FBXO10: variants seen among roughly 807,000 people sequenced by gnomAD.
FBXO10 encodes F-box only protein 10.
In FBXO10, 39 loss-of-function variants were observed where a neutral mutation model predicts 80.7. That is an observed-to-expected ratio of 0.48 (90% CI 0.37 to 0.63). FBXO10 has a LOEUF of 0.63. FBXO10 is among the 30% of genes least tolerant of loss of function. The pLI is 0.00. For synonymous variants in FBXO10, 449 were observed against 489.6 expected (o/e 0.92, Z 1.09); for missense variants, 1,025 against 1,269.0 (o/e 0.81, Z 2.92).
intron 1 of FBXO10, among the ~76,000 whole-genome samples, chr9:37,570,777 G>A (rs757259041): frequency 2.0e-5 from 3 of 152,062 alleles, no homozygotes; most frequent in Non-Finnish European, 2.9e-5. Context: ...GGTGAATCAC[G>A]AGGTCAAGAG....
Position 37,541,495 on chromosome 9 carries a change from A to G in FBXO10, c.274T>C (p.Leu92=), listed in dbSNP as rs1038214113. 1.2e-6 allele frequency: 2 copies of G among 1,613,916 alleles called. No homozygotes were observed. The highest frequency in any genetic ancestry group is 2.7e-5 in the African/African-American group (2 of 74,948). The change falls in exon 2 of 11, where the codon TTG becomes CTG. Residue 92 remains leucine, a synonymous_variant. Transcript: ENST00000432825. ...SKTWTKNALD[L]ESSICFSLFR... ...AGAGAAAAGCAGATGGAAGACTCCAAGTCCAAGGCATTCTTGGTCCATGTC... is the reference window on the plus strand; with the variant it reads ...AGAGAAAAGCAGATGGAAGACTCCAGGTCCAAGGCATTCTTGGTCCATGTC...
chr9:37,545,810 A>G (rs1822041959), intron 1 of FBXO10, among the ~76,000 whole-genome samples: 1 of 152,226 alleles, frequency 6.6e-6, no homozygotes, highest in Middle Eastern at 3.2e-3. Context: ...ATATGAGGCA[A>G]GTGAATATGT....
In FBXO10 at chr9:37,516,096, C is replaced by A. The variant is rs2119046434; in HGVS notation, c.2515-11G>T. On this transcript the variant is annotated splice_polypyrimidine_tract_variant and intron_variant, in intron 9 of 10. Coordinates refer to ENST00000432825, the MANE Select transcript of FBXO10 (RefSeq NM_012166.3). Reference sequence around the variant, plus strand: ...CCGGTTCTTTATTACCTGGGAGAGGCAGCCAGAGATTGTCACACCTCAGGG... The same window carrying A: ...CCGGTTCTTTATTACCTGGGAGAGGAAGCCAGAGATTGTCACACCTCAGGG... 1 of 1,607,038 alleles carries A rather than the reference C, an allele frequency of 6.2e-7. No individual in the cohort carries two copies. The highest frequency in any genetic ancestry group is 2.2e-5 in the East Asian group (1 of 44,782).
chr9:37,538,431 G>T (rs1462056100), intron 2 of FBXO10, among the ~76,000 whole-genome samples: 1 of 152,224 alleles, frequency 6.6e-6, no homozygotes, highest in Non-Finnish European at 1.5e-5. Context: ...GGCTCTGCCA[G>T]GTGTGGTGGC....
Position 37,541,371 on chromosome 9 carries a change from C to T in FBXO10, c.398G>A (p.Arg133Gln), listed in dbSNP as rs752526134. The change falls in exon 2 of 11, where the codon CGA (arginine) becomes CAA (glutamine). Residue 133 changes from arginine (R) to glutamine (Q), a missense_variant. Physicochemically the swap from Arg to Gln is conservative, Grantham distance 43 (BLOSUM62 1). Coordinates refer to ENST00000432825, the MANE Select transcript of FBXO10 (RefSeq NM_012166.3). ...GTACACACCTGGGAAGAGCACAATT[C>T]GGTCATACAGGCTGGCCATGGCCAA... ...SALAMASLYD[R>Q]IVLFPGVYEE... The T allele has an allele frequency of 5.9e-5, 96 of 1,613,842 alleles. No homozygotes were observed. Among genetic ancestry groups the T allele is most frequent in the Admixed American group, 1.8e-4 (11 of 60,000 alleles).
intron 1 of FBXO10, among the ~76,000 whole-genome samples, chr9:37,543,126 C>T (rs1242362020): frequency 1.3e-5 from 2 of 152,222 alleles, no homozygotes; most frequent in East Asian, 3.8e-4. Context: ...GGTCCTGGCT[C>T]TGCCATTGGT....
At chr9:37,549,500 T>C (rs1035462841) in intron 1 of FBXO10, among the ~76,000 whole-genome samples, 1 of 152,196 alleles carries the variant, frequency 6.6e-6, no homozygotes, top group African/African-American at 2.4e-5. Flanking sequence ...TTGATTTGTG[T>C]AGAAATCACA....
rs573738932 is a variant in FBXO10 at position 37,537,899 on chromosome 9, G to A, written c.630C>T (p.Asn210=). The A allele has an allele frequency of 3.2e-5, 51 of 1,613,134 alleles. No individual in the cohort carries two copies. Among genetic ancestry groups the A allele is most frequent in the East Asian group, 2.9e-4 (13 of 44,774 alleles). Residue 210 remains asparagine (N), a synonymous_variant, in exon 3 of 11, where the codon AAC becomes AAT. Transcript: ENST00000432825. The stretch of plus-strand genomic sequence containing the variant: ...CCGGGCCATGGACCTGGATGTGCCC[G>A]TTCTCAAAGTTGCAGTTGTCAAACT... ...HVQFDNCNFE[N]GHIQVHGPGT...
At chr9:37,550,159 G>T (rs373906997) in intron 1 of FBXO10, among the ~76,000 whole-genome samples, 1 of 78,576 alleles carries the variant, frequency 1.3e-5, no homozygotes, top group Non-Finnish European at 2.8e-5. Context: ...TTCTTTTTTT[G>T]TCGTCTCAGG....
At chr9:37,522,523 G>A (rs1821369542) in intron 7 of FBXO10, 6 of 1,137,152 alleles carry the variant, frequency 5.3e-6, no homozygotes, top group Non-Finnish European at 6.5e-6. Context: ...GGAGTTAGAT[G>A]CACATGAGCC....
At chr9:37,522,528 T>G in intron 7 of FBXO10, 1 of 1,143,596 alleles carries the variant, frequency 8.7e-7, no homozygotes, top group Non-Finnish European at 1.1e-6. Context: ...TAGATGCACA[T>G]GAGCCAGGGC....
At position 37,512,609 on chromosome 9, in the gene FBXO10, T is replaced by G. The variant is rs1411868552; in HGVS notation, c.2809A>C (p.Ile937Leu). 1 of 1,614,032 alleles carries G rather than the reference T, an allele frequency of 6.2e-7. No homozygotes were observed. The highest frequency in any genetic ancestry group is 8.5e-7 in the Non-Finnish European group (1 of 1,179,898). ...TAACCACCTTCCACCCGGGCTGTGA[T>G]CCTCGTTGCCATGGCTGTCACCTTC... The part of the protein sequence containing the change: ...GQKVTAMATR[I>L]TARVEGGYHS... The change falls in exon 11 of 11, where the codon ATC becomes CTC. Residue 937 changes from isoleucine to leucine, a missense_variant. Physicochemically the swap from Ile to Leu is conservative, Grantham distance 5 (BLOSUM62 2). Coordinates refer to ENST00000432825, the MANE Select transcript of FBXO10 (RefSeq NM_012166.3).
At chr9:37,553,221 T>C (rs1349278918) in intron 1 of FBXO10, among the ~76,000 whole-genome samples, 3 of 152,058 alleles carry the variant, frequency 2.0e-5, no homozygotes, top group Non-Finnish European at 2.9e-5. Flanking sequence ...TTTGTATTTT[T>C]AGTAGAGACA....
intron 4 of FBXO10, 87 bp from the exon 5 acceptor site, chr9:37,529,347 A>G (rs28401636): frequency 0.13 from 182,547 of 1,441,872 alleles, 17,605 homozygotes; most frequent in African/African-American, 0.51. Flanking sequence ...CCTCCGCGGC[A>G]GGATGAACAC....
At chr9:37,527,743 C>CA in intron 5 of FBXO10, among the ~76,000 whole-genome samples, 1 of 152,318 alleles carries the variant, frequency 6.6e-6, no homozygotes, top group East Asian at 1.9e-4. Flanking sequence ...TTGTATATCA[C>CA]TGCCCCCTTA....
At chr9:37,573,743 C>T (rs1822820369) in intron 1 of FBXO10, among the ~76,000 whole-genome samples, 2 of 152,284 alleles carry the variant, frequency 1.3e-5, no homozygotes, top group East Asian at 1.9e-4. Context: ...AATGTAAACC[C>T]AACTTGTGAA....
Position 37,525,277 on chromosome 9 carries a change from C to T in FBXO10, c.1707-105G>A, listed in dbSNP as rs1588829485. On this transcript the variant is annotated intron_variant, in intron 5 of 10. Transcript: ENST00000432825. ...GGAAACCCTGTCTCTACAAAAAATA[C>T]AAAAAAATTAGCCGGGTGTGGTGGT... is the stretch of plus-strand genomic sequence containing the variant. 2.0e-5 allele frequency: 23 copies of T among 1,138,556 alleles called. No individual in the cohort carries two copies. The East Asian group carries it at 6.0e-4, about 30-fold the overall frequency. 70.5% of individuals were successfully genotyped at this position (1,138,556 alleles called of 1,614,324 possible).
intron 1 of FBXO10, among the ~76,000 whole-genome samples, chr9:37,571,317 C>T (rs1167196317): frequency 6.6e-6 from 1 of 152,136 alleles, no homozygotes; most frequent in Non-Finnish European, 1.5e-5. Context: ...TAATCTTCCT[C>T]TTATAAGTTT....
intron 1 of FBXO10, among the ~76,000 whole-genome samples, chr9:37,566,942 G>A (rs949404272): frequency 3.3e-5 from 5 of 152,108 alleles, no homozygotes; most frequent in African/African-American, 1.2e-4. Context: ...GGAGCCATAA[G>A]GACCCTCTCT....
Sources: gnomAD v4.1 joint callset for allele counts (sites outside exome capture counted in the v4.1 genomes callset) on GRCh38, gnomAD v4.1.1 for gene constraint, MANE v1.5 for transcripts, NCBI Gene and HGNC (gene_info 2026-07-23, HGNC 2026-07-21) for gene names.